The following LINGO2 variants were observed in gnomAD, a reference collection of about 807,000 sequenced individuals.
The protein encoded by LINGO2 is leucine-rich repeat and immunoglobulin-like domain-containing nogo receptor-interacting protein 2.
LINGO2 carries 14 observed loss-of-function variants against 30.6 expected under a neutral mutation model. The observed-to-expected ratio is 0.46, with a 90% CI of 0.30 to 0.72. The LOEUF is 0.72. Ranked by LOEUF, LINGO2 falls within the 30% of genes least tolerant of loss-of-function variation. LINGO2 has a pLI of 0.07. For missense variants in LINGO2, 729 were observed against 751.7 expected, an observed-to-expected ratio of 0.97 and a Z score of 0.35; for synonymous variants, 317 against 288.5, an observed-to-expected ratio of 1.10 and a Z score of -1.00.
intron 2 of LINGO2, among the ~76,000 whole-genome samples, chr9:28,402,237 T>C (rs1202370509): frequency 6.6e-6 from 1 of 152,096 alleles, no homozygotes; most frequent in Non-Finnish European, 1.5e-5. Context: ...GGATAGGCAT[T>C]ATGAAACAAA....
chr9:28,034,136 G>A (rs1823816567), intron 4 of LINGO2, among the ~76,000 whole-genome samples: 1 of 152,156 alleles, frequency 6.6e-6, no homozygotes, highest in African/African-American at 2.4e-5. Context: ...AAACCTGTGA[G>A]GTGTTTGTTT....
intron 4 of LINGO2, among the ~76,000 whole-genome samples, chr9:28,103,156 G>C (rs1484530613): frequency 6.6e-6 from 1 of 152,050 alleles, no homozygotes; most frequent in Non-Finnish European, 1.5e-5. Flanking sequence ...GGTGTTTAAA[G>C]GTAAACATAT....
chr9:28,355,996 A>C (rs994927097), intron 3 of LINGO2, among the ~76,000 whole-genome samples: 20 of 152,150 alleles, frequency 1.3e-4, no homozygotes, highest in Admixed American at 3.3e-4. Flanking sequence ...TTACAATGAC[A>C]CTTACAGCAT....
chr9:28,162,479 G>C (rs1362230759), intron 4 of LINGO2, among the ~76,000 whole-genome samples: 1 of 152,112 alleles, frequency 6.6e-6, no homozygotes, highest in African/African-American at 2.4e-5. Context: ...GCAGAGATGT[G>C]ATGTAATATG....
chr9:29,071,482 CATATATATATATATATAT>C, the LINGO2 span, among the ~76,000 whole-genome samples: 6 of 120,882 alleles, frequency 5.0e-5, no homozygotes, highest in Non-Finnish European at 8.2e-5. Flanking sequence ...ATTAACTGGT[CATATATATATATATATAT>C]ATATATATAT....
At position 27,949,575 on chromosome 9, in the gene LINGO2, A is replaced by G. The variant is rs1823528558; in HGVS notation, c.1097T>C (p.Ile366Thr). The change falls in exon 6 of 6, where the codon ATC (isoleucine) becomes ACC (threonine). Residue 366 changes from isoleucine (I) to threonine (T), a missense_variant. Transcript: ENST00000379992. ...CTGCAGGGTGGGCTGTCGCTGCAAG[A>G]TCCAGAGAAGGCGGCAGTCACAGGC... The G allele has an allele frequency of 1.9e-6, 3 of 1,613,934 alleles. No homozygotes were observed. The highest frequency in any genetic ancestry group is 1.7e-5 in the Admixed American group (1 of 60,000).
At chr9:28,943,974 A>G in the LINGO2 span, among the ~76,000 whole-genome samples, 1 of 152,240 alleles carries the variant, frequency 6.6e-6, no homozygotes, top group Admixed American at 6.5e-5. Context: ...TCATTAGGAC[A>G]TATATTCTGC....
At chr9:29,087,906 T>G in the LINGO2 span, among the ~76,000 whole-genome samples, 5 of 152,128 alleles carry the variant, frequency 3.3e-5, no homozygotes, top group African/African-American at 1.2e-4. Flanking sequence ...AGCAAAATAA[T>G]GATACCTACC....
Position 28,348,772 on chromosome 9 carries a change from G to A in LINGO2, c.-246+24064C>T, listed in dbSNP as rs565462976. Among the ~76,000 whole-genome samples, 1,502 of 151,966 alleles carry A rather than the reference G, an allele frequency of 9.9e-3. 32 individuals carry two copies. Among genetic ancestry groups the A allele is most frequent in the African/African-American group, 0.034 (1,410 of 41,412 alleles). On this transcript the variant is annotated intron_variant, in intron 3 of 5. Coordinates refer to ENST00000379992, the Ensembl canonical transcript of LINGO2. ...CTGTCTGACAGCTTTGAAGAGAGCA[G>A]TGGTTCTCCCAGCACGCAGCTGGAG... is the stretch of plus-strand genomic sequence containing the variant.
chr9:28,990,383 A>C, the LINGO2 span, among the ~76,000 whole-genome samples: 7 of 152,314 alleles, frequency 4.6e-5, no homozygotes, highest in South Asian at 2.1e-4. Context: ...CACCACAGCT[A>C]AAGGAGGCCT....
At chr9:29,104,053 G>A in the LINGO2 span, among the ~76,000 whole-genome samples, 4 of 152,140 alleles carry the variant, frequency 2.6e-5, no homozygotes, top group Non-Finnish European at 5.9e-5. Flanking sequence ...CATAGTCAGT[G>A]CTCAATAACA....
chr9:28,212,870 G>C (rs1287679317), intron 4 of LINGO2, among the ~76,000 whole-genome samples: 1 of 151,356 alleles, frequency 6.6e-6, no homozygotes, highest in African/African-American at 2.4e-5. Flanking sequence ...ATTTCAATGA[G>C]AATGTGAATA....
At chr9:28,846,173 A>G in the LINGO2 span, among the ~76,000 whole-genome samples, 1 of 151,734 alleles carries the variant, frequency 6.6e-6, no homozygotes, top group African/African-American at 2.4e-5. Context: ...ATAGGCAATG[A>G]GTAGCATTCT....
chr9:28,319,335 A>G (rs931353782), intron 3 of LINGO2, among the ~76,000 whole-genome samples: 4 of 152,284 alleles, frequency 2.6e-5, no homozygotes, highest in Middle Eastern at 3.4e-3. Context: ...TCTTTCATCT[A>G]TCTTTTTCTT....
At chr9:28,765,932 G>T in the LINGO2 span, among the ~76,000 whole-genome samples, 2 of 151,806 alleles carry the variant, frequency 1.3e-5, no homozygotes. Context: ...GTCATACACT[G>T]CACACAAAAA....
chr9:28,179,217 T>A (rs1587149689), intron 4 of LINGO2, among the ~76,000 whole-genome samples: 1 of 148,560 alleles, frequency 6.7e-6, no homozygotes, highest in East Asian at 2.0e-4. Flanking sequence ...CTAATGTGTG[T>A]GGAAGCATTT....
the LINGO2 span, among the ~76,000 whole-genome samples, chr9:28,994,225 C>T: frequency 6.6e-6 from 1 of 152,148 alleles, no homozygotes; most frequent in Non-Finnish European, 1.5e-5. Flanking sequence ...GCACCAATAA[C>T]AGACAAACAT....
the LINGO2 span, among the ~76,000 whole-genome samples, chr9:29,109,846 T>C: frequency 6.6e-6 from 1 of 152,166 alleles, no homozygotes; most frequent in Non-Finnish European, 1.5e-5. Flanking sequence ...CCGCTGGAGT[T>C]AGGAAGAAGA....
intron 4 of LINGO2, among the ~76,000 whole-genome samples, chr9:28,038,469 G>T (rs966205409): frequency 6.6e-6 from 1 of 152,086 alleles, no homozygotes; most frequent in East Asian, 1.9e-4. Flanking sequence ...CGAGGCGGGC[G>T]GATCACGAGG....
Sources: gnomAD v4.1 joint callset for allele counts (sites outside exome capture counted in the v4.1 genomes callset) on GRCh38, gnomAD v4.1.1 for gene constraint, MANE v1.5 for transcripts, NCBI Gene and HGNC (gene_info 2026-07-23, HGNC 2026-07-21) for gene names.